HIBADH: variants seen among roughly 807,000 people sequenced by gnomAD.
HIBADH encodes 3-hydroxyisobutyrate dehydrogenase, mitochondrial.
A neutral mutation model predicts 36.1 loss-of-function variants in HIBADH; 25 were observed. That is an observed-to-expected ratio of 0.69 (90% CI 0.50 to 0.97). The LOEUF is 0.97. HIBADH is among the 50% of genes least tolerant of loss of function. The probability of loss-of-function intolerance (pLI) is 0.00; values close to 1 mark genes in which losing one functional copy is unlikely to be tolerated. For missense variants in HIBADH, 421 were observed against 418.0 expected (o/e 1.01, Z -0.06); for synonymous variants, 160 against 149.5 (o/e 1.07, Z -0.51).
intron 4 of HIBADH, among the ~76,000 whole-genome samples, chr7:27,575,331 G>T (rs1488728495): frequency 6.6e-6 from 1 of 152,180 alleles, no homozygotes; most frequent in Non-Finnish European, 1.5e-5. Flanking sequence ...TCTACATTGG[G>T]ACTTGAGTAA....
chr7:27,568,019 T>C (rs1784573385), intron 4 of HIBADH, among the ~76,000 whole-genome samples: 1 of 152,208 alleles, frequency 6.6e-6, no homozygotes, highest in South Asian at 2.1e-4. Flanking sequence ...TGGGATGTAA[T>C]CCCACTGTAA....
intron 4 of HIBADH, among the ~76,000 whole-genome samples, chr7:27,613,097 AATTTATATATATTCATATAAATAT>A (rs1174905185): frequency 1.3e-4 from 16 of 118,904 alleles, no homozygotes; most frequent in South Asian, 2.3e-4. Flanking sequence ...TATAAATTAT[AATTTATATATATTCATATAAATAT>A]ATTTATATAT....
At chr7:27,536,400 T>TTA (rs922438415) in intron 6 of HIBADH, among the ~76,000 whole-genome samples, 3 of 152,152 alleles carry the variant, frequency 2.0e-5, no homozygotes, top group Non-Finnish European at 2.9e-5. Context: ...ATATTTTATG[T>TTA]TATATATATC....
chr7:27,525,667 G>A lies in HIBADH; in HGVS notation c.*547C>T, dbSNP rs1342517972. The A allele has an allele frequency of 6.6e-6, 1 of 152,204 alleles. No homozygotes were observed. Among genetic ancestry groups the A allele is most frequent in the Admixed American group, 6.5e-5 (1 of 15,278 alleles). 9.4% of individuals were successfully genotyped at this position (152,204 alleles called of 1,614,324 possible). Reference sequence around the variant, plus strand: ...GGATATCCTACCATATTGTGACGGAGTCCAAATAGAAAACATGCAGCAACA... The same window carrying A: ...GGATATCCTACCATATTGTGACGGAATCCAAATAGAAAACATGCAGCAACA... On this transcript the variant is annotated 3_prime_UTR_variant, in exon 8 of 8. Coordinates refer to ENST00000265395, the MANE Select transcript of HIBADH (RefSeq NM_152740.4).
chr7:27,640,067 C>A (rs1785933848), intron 2 of HIBADH, among the ~76,000 whole-genome samples: 1 of 152,180 alleles, frequency 6.6e-6, no homozygotes, highest in Non-Finnish European at 1.5e-5. Context: ...ACCCTCCGTG[C>A]CCAGTGGCAA....
chr7:27,609,255 G>C (rs1785283738), intron 4 of HIBADH, among the ~76,000 whole-genome samples: 1 of 152,262 alleles, frequency 6.6e-6, no homozygotes, highest in African/African-American at 2.4e-5. Flanking sequence ...TGAGTCACCA[G>C]TCTTCTTTGA....
chr7:27,594,200 G>A (rs1361722075), intron 4 of HIBADH, among the ~76,000 whole-genome samples: 1 of 148,836 alleles, frequency 6.7e-6, no homozygotes, highest in African/African-American at 2.5e-5. Flanking sequence ...CTGGAGTGCA[G>A]TGGCACAATC....
chr7:27,533,558 C>T (rs1784031342), intron 6 of HIBADH, among the ~76,000 whole-genome samples: 1 of 152,166 alleles, frequency 6.6e-6, no homozygotes, highest in Non-Finnish European at 1.5e-5. Context: ...GATTCGTTCT[C>T]TGGCACATAC....
At chr7:27,640,116 CTTA>C (rs1387575335) in intron 2 of HIBADH, among the ~76,000 whole-genome samples, 1 of 152,184 alleles carries the variant, frequency 6.6e-6, no homozygotes, top group Non-Finnish European at 1.5e-5. Flanking sequence ...AGCTGCCTCC[CTTA>C]TTATTGTCAT....
chr7:27,658,554 T>C (rs558799552), intron 1 of HIBADH, among the ~76,000 whole-genome samples: 87 of 152,290 alleles, frequency 5.7e-4, no homozygotes, highest in African/African-American at 2.0e-3. Flanking sequence ...AATGCAAAAA[T>C]TGGTAACAAG....
At chr7:27,650,869 T>C (rs1436894728) in intron 1 of HIBADH, among the ~76,000 whole-genome samples, 1 of 152,132 alleles carries the variant, frequency 6.6e-6, no homozygotes, top group African/African-American at 2.4e-5. Flanking sequence ...TAGCGTTAGA[T>C]GCAATTTTTC....
Position 27,530,233 on chromosome 7 carries a change from T to C in HIBADH, c.852+959A>G, listed in dbSNP as rs538283979. Among the ~76,000 whole-genome samples, 7 of 152,076 alleles carry C rather than the reference T, an allele frequency of 4.6e-5. No individual in the cohort carries two copies. In the East Asian group the frequency reaches 1.2e-3, roughly 25 times the overall value. ...TTTTTTTTTTCTATTTGAGACGAAGTCTCACTCTGTTGCCCAGGCTGGAGT... is the reference window on the plus strand; with the variant it reads ...TTTTTTTTTTCTATTTGAGACGAAGCCTCACTCTGTTGCCCAGGCTGGAGT... On this transcript the variant is annotated intron_variant, in intron 7 of 7. Transcript: ENST00000265395.
At chr7:27,581,663 T>C (rs940622664) in intron 4 of HIBADH, among the ~76,000 whole-genome samples, 2 of 152,178 alleles carry the variant, frequency 1.3e-5, no homozygotes, top group African/African-American at 4.8e-5. Flanking sequence ...AATTAACATA[T>C]CCATCACCTT....
chr7:27,586,019 G>A (rs146360967), intron 4 of HIBADH, among the ~76,000 whole-genome samples: 168 of 152,300 alleles, frequency 1.1e-3, no homozygotes, highest in African/African-American at 3.7e-3. Flanking sequence ...AGTCCACCTG[G>A]ACGTGAAGGG....
intron 4 of HIBADH, among the ~76,000 whole-genome samples, chr7:27,555,019 C>G (rs1187367122): frequency 2.0e-5 from 3 of 152,114 alleles, no homozygotes; most frequent in Admixed American, 2.0e-4. Flanking sequence ...AGGTAACTAA[C>G]CAGATTTGCG....
intron 1 of HIBADH, among the ~76,000 whole-genome samples, chr7:27,658,937 T>C (rs963778843): frequency 1.6e-4 from 24 of 152,210 alleles, no homozygotes; most frequent in African/African-American, 4.8e-4. Flanking sequence ...ACGCTCCTTA[T>C]GTAATTTCAC....
Position 27,538,512 on chromosome 7 carries a change from A to T in HIBADH, c.619-95T>A, listed in dbSNP as rs920166690. 5.4e-5 allele frequency: 53 copies of T among 981,524 alleles called. No individual in the cohort carries two copies. In the African/African-American group the frequency reaches 6.9e-4, roughly 13 times the overall value. The allele number at this position is 981,524 out of a possible 1,614,324, so 60.8% of individuals were successfully genotyped here. A position where few individuals can be genotyped will look rare whatever the true frequency, so the allele number is the denominator to read the frequency against. The stretch of plus-strand genomic sequence containing the variant: ...GCCCAATTCCAGGGGCTGCTTTCTA[A>T]AAGAAATAACATTCAACTGTTGATT... On this transcript the variant is annotated intron_variant, in intron 5 of 7. Coordinates refer to ENST00000265395, the MANE Select transcript of HIBADH (RefSeq NM_152740.4).
At chr7:27,596,852 A>C (rs1172845167) in intron 4 of HIBADH, among the ~76,000 whole-genome samples, 2 of 152,150 alleles carry the variant, frequency 1.3e-5, no homozygotes, top group African/African-American at 4.8e-5. Context: ...AGTACTCAAA[A>C]AGTTTCAGAT....
chr7:27,615,692 C>A (rs1256628033), intron 4 of HIBADH, among the ~76,000 whole-genome samples: 1 of 152,150 alleles, frequency 6.6e-6, no homozygotes. Flanking sequence ...CAATTATGTA[C>A]AGCACATAAT....
Sources: gnomAD v4.1 joint callset for allele counts (sites outside exome capture counted in the v4.1 genomes callset) on GRCh38, gnomAD v4.1.1 for gene constraint, MANE v1.5 for transcripts, NCBI Gene and HGNC (gene_info 2026-07-23, HGNC 2026-07-21) for gene names.